Variants in GRID2 observed in about 807,000 individuals in gnomAD.
GRID2 encodes the protein glutamate receptor ionotropic, delta-2.
In GRID2, 33 loss-of-function variants were observed where a neutral mutation model predicts 114.8. The observed-to-expected ratio is 0.29, with a 90% CI of 0.22 to 0.38. The LOEUF (loss-of-function observed/expected upper bound fraction) is 0.38. Among genes scored for constraint, GRID2 ranks in the 10% least tolerant of loss-of-function variants. GRID2 has a pLI of 1.00. For missense variants in GRID2, 1,184 were observed against 1,257.7 expected, an observed-to-expected ratio of 0.94 and a Z score of 0.89; for synonymous variants, 505 against 449.9, an observed-to-expected ratio of 1.12 and a Z score of -1.55.
intron 11 of GRID2, among the ~76,000 whole-genome samples, chr4:93,484,579 G>C (rs373330207): frequency 6.6e-6 from 1 of 151,998 alleles, no homozygotes; most frequent in South Asian, 2.1e-4. Flanking sequence ...CACAAGATTA[G>C]ATAATATTTA....
chr4:92,961,918 A>T (rs1334772244), intron 2 of GRID2, among the ~76,000 whole-genome samples: 1 of 151,510 alleles, frequency 6.6e-6, no homozygotes, highest in Admixed American at 6.6e-5. Context: ...CCTTAAGCTC[A>T]GGTAGTCTTC....
intron 5 of GRID2, among the ~76,000 whole-genome samples, chr4:93,210,704 A>G (rs1383296390): frequency 6.6e-6 from 1 of 152,062 alleles, no homozygotes; most frequent in Non-Finnish European, 1.5e-5. Context: ...ACCTGAATAG[A>G]CTAGCATGTA....
At chr4:92,865,910 T>C (rs1744829534) in intron 2 of GRID2, among the ~76,000 whole-genome samples, 1 of 152,228 alleles carries the variant, frequency 6.6e-6, no homozygotes, top group Non-Finnish European at 1.5e-5. Context: ...ATCGTTATCA[T>C]ATACTAGTGA....
intron 2 of GRID2, among the ~76,000 whole-genome samples, chr4:92,745,911 G>A (rs1224110264): frequency 2.0e-5 from 3 of 152,126 alleles, no homozygotes; most frequent in Admixed American, 2.0e-4. Context: ...GAAGTCATAG[G>A]ATTTGGCTGA....
At chr4:92,478,590 A>T (rs1369292037) in intron 1 of GRID2, among the ~76,000 whole-genome samples, 1 of 152,142 alleles carries the variant, frequency 6.6e-6, no homozygotes, top group Non-Finnish European at 1.5e-5. Context: ...TTTAATGGCC[A>T]TTGAAAACAA....
At chr4:93,671,560 G>A (rs1724415975) in intron 14 of GRID2, among the ~76,000 whole-genome samples, 1 of 152,146 alleles carries the variant, frequency 6.6e-6, no homozygotes, top group Non-Finnish European at 1.5e-5. Context: ...CCCCGTCTAT[G>A]AAATTATGGT....
At chr4:92,790,367 A>G (rs1413677742) in intron 2 of GRID2, among the ~76,000 whole-genome samples, 2 of 151,734 alleles carry the variant, frequency 1.3e-5, no homozygotes, top group Non-Finnish European at 2.9e-5. Context: ...GGCAACTAAC[A>G]TTGTTAATAT....
intron 14 of GRID2, among the ~76,000 whole-genome samples, chr4:93,711,121 C>CT (rs1408030178): frequency 6.6e-6 from 1 of 151,998 alleles, no homozygotes. Context: ...CTCCTTCTTC[C>CT]TTTTTTGTCA....
intron 8 of GRID2, among the ~76,000 whole-genome samples, chr4:93,303,220 A>G (rs573323283): frequency 4.6e-5 from 7 of 152,296 alleles, no homozygotes; most frequent in African/African-American, 1.7e-4. Flanking sequence ...CACCTCCTCT[A>G]ACACTGGGGA....
Position 92,870,898 on chromosome 4 carries a change from A to G in GRID2, c.245-214097A>G, listed in dbSNP as rs180720368. Among the ~76,000 whole-genome samples, 128 of 152,356 alleles carry G rather than the reference A, an allele frequency of 8.4e-4. 1 individual carries two copies. The highest frequency in any genetic ancestry group is 5.9e-3 in the Admixed American group (91 of 15,302). On this transcript the variant is annotated intron_variant, in intron 2 of 15. Transcript: ENST00000282020. Reference sequence around the variant, plus strand: ...GTGACAGGAAACAATATAAAATCATATGAATAACTTGTGATAACATCAGCA... The same window carrying G: ...GTGACAGGAAACAATATAAAATCATGTGAATAACTTGTGATAACATCAGCA...
At chr4:93,177,808 AC>A (rs1739486435) in intron 4 of GRID2, among the ~76,000 whole-genome samples, 2 of 152,080 alleles carry the variant, frequency 1.3e-5, no homozygotes, top group Admixed American at 6.6e-5. Context: ...TTTCTAAACT[AC>A]CATTAACTAG....
chr4:92,437,618 G>A (rs903652469), intron 1 of GRID2, among the ~76,000 whole-genome samples: 6 of 152,186 alleles, frequency 3.9e-5, no homozygotes, highest in Admixed American at 1.3e-4. Context: ...TGGAATCAAC[G>A]TCTTTAATAT....
At chr4:93,244,471 G>C (rs1747907669) in intron 8 of GRID2, among the ~76,000 whole-genome samples, 1 of 144,778 alleles carries the variant, frequency 6.9e-6, no homozygotes, top group South Asian at 2.2e-4. Context: ...CTTCGCAAAG[G>C]ATATTATATT....
intron 1 of GRID2, among the ~76,000 whole-genome samples, chr4:92,321,483 T>C (rs1055586860): frequency 3.9e-5 from 6 of 152,182 alleles, no homozygotes; most frequent in Non-Finnish European, 8.8e-5. Flanking sequence ...CAGCATGTTT[T>C]TTCTAATATG....
At chr4:92,675,459 C>A (rs1018433256) in intron 2 of GRID2, among the ~76,000 whole-genome samples, 57 of 151,960 alleles carry the variant, frequency 3.8e-4, no homozygotes, top group African/African-American at 1.4e-3. Flanking sequence ...TAAATTTCAG[C>A]TGCCACAGGC....
At chr4:92,894,286 G>A (rs1336813374) in intron 2 of GRID2, among the ~76,000 whole-genome samples, 1 of 151,940 alleles carries the variant, frequency 6.6e-6, no homozygotes, top group African/African-American at 2.4e-5. Context: ...TTCCATGATT[G>A]GATGTTTATT....
At chr4:92,421,464 C>T (rs951415826) in intron 1 of GRID2, among the ~76,000 whole-genome samples, 16 of 151,990 alleles carry the variant, frequency 1.1e-4, no homozygotes, top group African/African-American at 3.6e-4. Flanking sequence ...TGCTGAGAAC[C>T]CAAGCACATT....
At chr4:93,046,625 A>G (rs1413018888) in intron 2 of GRID2, among the ~76,000 whole-genome samples, 1 of 151,950 alleles carries the variant, frequency 6.6e-6, no homozygotes, top group Non-Finnish European at 1.5e-5. Context: ...TCAACAATCC[A>G]CTGATCCTCT....
Position 93,769,192 on chromosome 4 carries a change from T to C in GRID2, c.2361-18T>C, listed in dbSNP as rs774240234. ...AACTATGTCTGTAATAACACATGCT[T>C]ATGTTCTTTATCCCAAGGATCCTGG... On this transcript the variant is annotated intron_variant, in intron 14 of 15. Transcript: ENST00000282020. 1 of 1,613,138 alleles carries C rather than the reference T, an allele frequency of 6.2e-7. No homozygotes were observed. The highest frequency in any genetic ancestry group is 8.5e-7 in the Non-Finnish European group (1 of 1,179,212).
Sources: allele counts gnomAD v4.1 joint callset (sites outside exome capture counted in the v4.1 genomes callset), GRCh38; gene constraint gnomAD v4.1.1; transcripts MANE v1.5; gene names NCBI Gene and HGNC (gene_info 2026-07-23, HGNC 2026-07-21).